Variants in AGAP3 observed in about 807,000 individuals in gnomAD.
AGAP3 encodes the protein arf-GAP with GTPase, ANK repeat and PH domain-containing protein 3.
A neutral mutation model predicts 96.9 loss-of-function variants in AGAP3; 24 were observed. That is an observed-to-expected ratio of 0.25 (90% CI 0.18 to 0.35). AGAP3 has a LOEUF of 0.35. AGAP3 is among the 10% of genes least tolerant of loss of function. AGAP3 has a pLI of 1.00. For synonymous variants in AGAP3, 563 were observed against 536.1 expected (o/e 1.05, Z -0.69); for missense variants, 876 against 1,254.2 (o/e 0.70, Z 4.55).
chr7:151,142,915 G>A lies in AGAP3; in HGVS notation c.2273+281G>A, dbSNP rs555529476. On this transcript the variant is annotated intron_variant, in intron 16 of 17. Coordinates refer to ENST00000397238, the MANE Select transcript of AGAP3 (RefSeq NM_031946.7). This position sits in a 1 kb window ranked among gnomAD's most constrained non-coding sequence, Gnocchi z 7.5. ...CGGTGTGGTGCAGAGCGCCCACTCC[G>A]GAGCTCTGAGATGGGGAGAATGGGT... 3.9e-5 allele frequency among the ~76,000 whole-genome samples: 6 copies of A among 152,326 alleles called. No individual in the cohort carries two copies. Among genetic ancestry groups the A allele is most frequent in the South Asian group, 4.1e-4 (2 of 4,828 alleles).
intron 10 of AGAP3, among the ~76,000 whole-genome samples, chr7:151,131,775 CTCT>C (rs1348080820): frequency 6.6e-6 from 1 of 152,212 alleles, no homozygotes; most frequent in Non-Finnish European, 1.5e-5. Context: ...CCCCCTGCAA[CTCT>C]TCTTCTTGGC....
In AGAP3 at chr7:151,143,462, C is replaced by T. The variant is rs200882121; in HGVS notation, c.2395C>T (p.Arg799Trp). ...CCGGGCCGTGGTGGAAGATGACCTG[C>T]GGCTGTTGGTGATGCTCCTGGCACA... ...LLRAVVEDDL[R>W]LLVMLLAHGS... Residue 799 changes from arginine to tryptophan, a missense_variant, in exon 17 of 18, where the codon CGG (arginine) becomes TGG (tryptophan). Arg to Trp is a moderately radical substitution (Grantham distance 101, BLOSUM62 -3). Coordinates refer to ENST00000397238, the MANE Select transcript of AGAP3 (RefSeq NM_031946.7). This position sits in a 1 kb window ranked among gnomAD's most constrained non-coding sequence, Gnocchi z 5.9. The T allele has an allele frequency of 1.1e-5, 18 of 1,614,176 alleles. No individual in the cohort carries two copies. Among genetic ancestry groups the T allele is most frequent in the Middle Eastern group, 3.3e-4 (2 of 6,062 alleles).
intron 1 of AGAP3, chr7:151,115,136 CCGG>C: frequency 1.9e-6 from 2 of 1,041,338 alleles, no homozygotes; most frequent in African/African-American, 3.5e-5. Context: ...CTCCGCGGCC[CCGG>C]CCGGCCAGCA....
chr7:151,093,991 C>A (rs948901766), intron 1 of AGAP3, among the ~76,000 whole-genome samples: 1 of 152,218 alleles, frequency 6.6e-6, no homozygotes, highest in Non-Finnish European at 1.5e-5. Context: ...TGTTCTGAGG[C>A]TGCCTCTGTC....
chr7:151,089,586 A>G (rs2150401377), intron 1 of AGAP3: 1 of 152,358 alleles, frequency 6.6e-6, no homozygotes, highest in African/African-American at 2.4e-5. Flanking sequence ...GCTCTGAGGA[A>G]GTGCAGTGGG....
intron 8 of AGAP3, chr7:151,122,590 C>A: frequency 1.0e-6 from 1 of 962,864 alleles, no homozygotes; most frequent in Non-Finnish European, 1.5e-6. Flanking sequence ...CGTCCTTCTC[C>A]TCCTCCTCCT....
At chr7:151,099,223 G>A (rs1798736917) in intron 1 of AGAP3, among the ~76,000 whole-genome samples, 1 of 151,388 alleles carries the variant, frequency 6.6e-6, no homozygotes, top group South Asian at 2.1e-4. Context: ...GGCGCCTGTA[G>A]TCCCAGCTAC....
At chr7:151,094,405 G>C (rs559727148) in intron 1 of AGAP3, among the ~76,000 whole-genome samples, 2 of 151,404 alleles carry the variant, frequency 1.3e-5, no homozygotes, top group African/African-American at 4.8e-5. Flanking sequence ...AAGGCCATTT[G>C]ATTTTCAGGC....
chr7:151,095,152 T>C (rs1226942707), intron 1 of AGAP3, among the ~76,000 whole-genome samples: 2 of 152,258 alleles, frequency 1.3e-5, no homozygotes, highest in East Asian at 1.9e-4. Context: ...CTTTTTCTTA[T>C]TGAGCTGAAG....
At chr7:151,134,650 C>G in intron 11 of AGAP3, 82 bp downstream of exon 11, 1 of 1,393,136 alleles carries the variant, frequency 7.2e-7, no homozygotes, top group Admixed American at 2.0e-5. Flanking sequence ...TTGGCTGCTT[C>G]TCAGCCTGGG....
At chr7:151,113,759 A>G (rs1799404253) in intron 1 of AGAP3, among the ~76,000 whole-genome samples, 1 of 152,218 alleles carries the variant, frequency 6.6e-6, no homozygotes, top group Non-Finnish European at 1.5e-5. Flanking sequence ...GATGTTTACA[A>G]TGCAGTGTCA....
In AGAP3 at chr7:151,123,380, G is replaced by C. The variant is rs954785549; in HGVS notation, c.1129-414G>C. ...GCCGACGCGCTCGGTGCCACGTGCC[G>C]TGTGGTGTCTGTGCCGCAGACGGGC... On this transcript the variant is annotated intron_variant, in intron 8 of 17. Transcript: ENST00000397238. 9.4e-6 allele frequency: 10 copies of C among 1,064,578 alleles called. No individual in the cohort carries two copies. In the Admixed American group the frequency reaches 4.9e-4, roughly 52 times the overall value. The allele number at this position is 1,064,578 out of a possible 1,614,324, so 65.9% of individuals were successfully genotyped here. A position where few individuals can be genotyped will look rare whatever the true frequency, so the allele number is the denominator to read the frequency against.
chr7:151,123,355 G>A (rs937392762), intron 8 of AGAP3: 1 of 1,041,676 alleles, frequency 9.6e-7, no homozygotes, highest in South Asian at 3.5e-5. Flanking sequence ...CTTGGGCCAC[G>A]CCGACGCGCT....
chr7:151,127,421 C>T (rs146703833), intron 9 of AGAP3, among the ~76,000 whole-genome samples: 5 of 152,302 alleles, frequency 3.3e-5, no homozygotes, highest in African/African-American at 9.6e-5. Flanking sequence ...CTGCCCCTTC[C>T]GCTCTCCCAG....
intron 9 of AGAP3, among the ~76,000 whole-genome samples, chr7:151,124,853 G>A (rs559216622): frequency 4.6e-5 from 7 of 152,262 alleles, no homozygotes; most frequent in African/African-American, 9.6e-5. Context: ...GTCCCAGAGG[G>A]CAGGGTCCCA....
rs1375933857 is a variant in AGAP3, at chr7:151,096,406, G to GT, written c.331+9341dup. Reference sequence around the variant, plus strand: ...GGTCATCTTTGATGTTTTGCCTGTTGTTTTTTTCTCTGATTCAGCACTGTG... The same window carrying GT: ...GGTCATCTTTGATGTTTTGCCTGTTGTTTTTTTTCTCTGATTCAGCACTGTG... On this transcript the variant is annotated intron_variant, in intron 1 of 17. Transcript: ENST00000397238. This position sits in a 1 kb window ranked among gnomAD's most constrained non-coding sequence, Gnocchi z 4.4. 6.6e-6 allele frequency among the ~76,000 whole-genome samples: 1 copy of GT among 152,072 alleles called. No homozygotes were observed. The highest frequency in any genetic ancestry group is 1.5e-5 in the Non-Finnish European group (1 of 68,010).
intron 3 of AGAP3, 27 bp from the exon 4 acceptor site, chr7:151,117,344 T>C: frequency 6.2e-7 from 1 of 1,613,836 alleles, no homozygotes; most frequent in Non-Finnish European, 8.5e-7. Flanking sequence ...CTCCACACTT[T>C]GGACCTGACT....
intron 1 of AGAP3, among the ~76,000 whole-genome samples, chr7:151,100,698 T>G (rs1356727027): frequency 6.6e-6 from 1 of 151,966 alleles, no homozygotes; most frequent in Non-Finnish European, 1.5e-5. Flanking sequence ...ATAAATTAGC[T>G]GGGTGTGGTG....
intron 9 of AGAP3, among the ~76,000 whole-genome samples, chr7:151,126,404 T>G (rs1438649598): frequency 7.1e-6 from 1 of 140,838 alleles, no homozygotes; most frequent in Non-Finnish European, 1.5e-5. Flanking sequence ...CCGTGGAGTC[T>G]CCTGCTGAAG....
Sources: gnomAD v4.1 joint callset for allele counts (sites outside exome capture counted in the v4.1 genomes callset) on GRCh38, gnomAD v4.1.1 for gene constraint, Gnocchi (gnomAD v3.1) non-coding constraint, MANE v1.5 for transcripts, NCBI Gene and HGNC (gene_info 2026-07-23, HGNC 2026-07-21) for gene names.